Variants in CIC observed in about 807,000 individuals in gnomAD.
CIC encodes capicua transcriptional repressor, also known as protein capicua homolog.
In CIC, 18 loss-of-function variants were observed where a neutral mutation model predicts 115.7. The ratio of observed to expected loss-of-function variants is 0.16; its 90% CI spans 0.11 to 0.23. The LOEUF (loss-of-function observed/expected upper bound fraction) is 0.23. Ranked by LOEUF, CIC falls within the 10% of genes least tolerant of loss-of-function variation. CIC has a pLI of 1.00. For missense variants in CIC, 2,000 were observed against 2,159.3 expected (o/e 0.93, Z 1.46); for synonymous variants, 1,076 against 923.0 (o/e 1.17, Z -3.01).
chr19:42,292,523 G>C, intron 14 of CIC, 43 bp from the exon 15 acceptor site: 2 of 1,611,856 alleles, frequency 1.2e-6, no homozygotes, highest in Non-Finnish European at 1.7e-6. Flanking sequence ...GAGGCAGTCC[G>C]GGCCCTAACT....
At position 42,272,654 on chromosome 19, in the gene CIC, A is replaced by G. The variant is rs1599848466; in HGVS notation, c.871A>G (p.Thr291Ala). ...YREGVVVEVA[T>A]KPAAYKVRLS... ...GGAAGGTGTGGTGGTGGAGGTGGCC[A>G]CCAAGCCAGCTGCCTACAAGGTCCG... The change falls in exon 2 of 21, where the codon ACC becomes GCC. Residue 291 changes from threonine to alanine, a missense_variant. Thr to Ala is a moderately conservative substitution (Grantham distance 58). Around this residue, in one of 8 missense-constraint regions of CIC, gnomAD observed 222 missense variants for 247.7 expected, o/e 0.90. Coordinates refer to ENST00000681038, the MANE Select transcript of CIC (RefSeq NM_001386298.1). 7.5e-6 allele frequency: 3 copies of G among 398,684 alleles called. No homozygotes were observed. The highest frequency in any genetic ancestry group is 4.4e-5 in the Admixed American group (1 of 22,734). 24.7% of individuals were successfully genotyped at this position (398,684 alleles called of 1,614,324 possible). A position where few individuals can be genotyped will look rare whatever the true frequency, so the allele number is the denominator to read the frequency against.
rs587778199 is a variant in CIC, at chr19:42,290,695, G to C, written c.4654G>C (p.Gly1552Arg). 1 of 1,612,962 alleles carries C rather than the reference G, an allele frequency of 6.2e-7. No individual in the cohort carries two copies. The highest frequency in any genetic ancestry group is 8.5e-7 in the Non-Finnish European group (1 of 1,179,902). Residue 1552 changes from glycine to arginine, a missense_variant, in exon 11 of 21, where the codon GGC becomes CGC. Physicochemically the swap from Gly to Arg is moderately radical, Grantham distance 125 (BLOSUM62 -2). Around this residue, in one of 8 missense-constraint regions of CIC, gnomAD observed 1,466 missense variants for 1,390.4 expected, o/e 1.05. Coordinates refer to ENST00000681038, the MANE Select transcript of CIC (RefSeq NM_001386298.1). ...CCCAAACAAGGAGGAGCAAGAGGGC[G>C]GCGGAGCCAGAGTGCCCTCCGCCCC... ...LPPNKEEQEG[G>R]GARVPSAPAP... is the part of the protein sequence containing the mutation.
chr19:42,290,421 A>T lies in CIC; in HGVS notation c.4380A>T (p.Ser1460=), dbSNP rs775251832. 1.9e-6 allele frequency: 3 copies of T among 1,613,294 alleles called. No homozygotes were observed. The South Asian group carries it at 3.3e-5, about 18-fold the overall frequency. Residue 1460 remains serine, a synonymous_variant, in exon 11 of 21, where the codon TCA becomes TCT. Transcript: ENST00000681038. ...SSSASAATSF[S]LGSGTFKAQE... is the part of the protein sequence containing the mutation. ...CAGCCTCGGCAGCCACCTCCTTCTC[A>T]CTGGGCTCAGGAACCTTCAAGGCCC... is the stretch of plus-strand genomic sequence containing the variant.
In CIC at chr19:42,273,826, C is replaced by T; in HGVS notation, c.2043C>T (p.His681=). 1 of 398,824 alleles carries T rather than the reference C, an allele frequency of 2.5e-6. No individual in the cohort carries two copies. Among genetic ancestry groups the T allele is most frequent in the Non-Finnish European group, 4.4e-6 (1 of 226,230 alleles). 24.7% of individuals were successfully genotyped at this position (398,824 alleles called of 1,614,324 possible). A position where few individuals can be genotyped will look rare whatever the true frequency, so the allele number is the denominator to read the frequency against. The change falls in exon 2 of 21, where the codon CAC becomes CAT. Residue 681 remains histidine, a synonymous_variant. Transcript: ENST00000681038. ...TGACGCCACCAGACCTGGGCCCCCA[C>T]CCACCGCCACCTGCCCCCCGAGAGC... ...GVLTPPDLGP[H]PPPPAPRERH... is the part of the protein sequence containing the mutation.
chr19:42,294,491 C>T (rs2038374046), intron 19 of CIC, 113 bp from the exon 20 acceptor site: 19 of 1,573,588 alleles, frequency 1.2e-5, no homozygotes, highest in Non-Finnish European at 1.3e-5. Context: ...CAGGACCCCT[C>T]TCTGACTCCC....
At chr19:42,279,423 G>A (rs1408014650) in intron 2 of CIC, among the ~76,000 whole-genome samples, 1 of 152,214 alleles carries the variant, frequency 6.6e-6, no homozygotes, top group Non-Finnish European at 1.5e-5. Flanking sequence ...GTGGTTCATG[G>A]GGGCTGATAA....
intron 2 of CIC, among the ~76,000 whole-genome samples, chr19:42,278,517 C>T (rs2037082196): frequency 1.3e-5 from 2 of 152,330 alleles, no homozygotes; most frequent in South Asian, 4.1e-4. Context: ...CTGGGTTTGT[C>T]CCTCTCTGGA....
At chr19:42,274,768 G>A (rs765761651) in intron 2 of CIC, among the ~76,000 whole-genome samples, 191 bp downstream of exon 2, 3 of 152,240 alleles carry the variant, frequency 2.0e-5, no homozygotes, top group African/African-American at 4.8e-5. Context: ...TCAAGGCACC[G>A]TTTCCAGAGG....
Position 42,293,050 on chromosome 19 carries a change from C to T in CIC, c.6291C>T (p.Pro2097=), listed in dbSNP as rs144192481. The T allele has an allele frequency of 2.5e-4, 405 of 1,612,840 alleles. No individual in the cohort carries two copies. Among genetic ancestry groups the T allele is most frequent in the African/African-American group, 1.7e-3 (126 of 75,068 alleles). The change falls in exon 16 of 21, where the codon CCC becomes CCT. Residue 2097 remains proline, a synonymous_variant. Transcript: ENST00000681038. The part of the protein sequence containing the change: ...QKVKAAIASI[P]VGSFEAGASG... ...TGAAGGCAGCCATCGCCAGCATTCCCGTGGGGTCCTTTGAGGCAGGTGCCT... is the reference window on the plus strand; with the variant it reads ...TGAAGGCAGCCATCGCCAGCATTCCTGTGGGGTCCTTTGAGGCAGGTGCCT...
Position 42,291,275 on chromosome 19 carries a change from T to A in CIC, c.5234T>A (p.Leu1745His). 1 of 1,612,706 alleles carries A rather than the reference T, an allele frequency of 6.2e-7. No individual in the cohort carries two copies. The highest frequency in any genetic ancestry group is 8.5e-7 in the Non-Finnish European group (1 of 1,179,782). The change falls in exon 11 of 21, where the codon CTT (leucine) becomes CAT (histidine). Residue 1745 changes from leucine to histidine, a missense_variant. By Grantham distance (99) the Leu-to-His change is moderately conservative (BLOSUM62 -3). Around this residue, in one of 8 missense-constraint regions of CIC, gnomAD observed 1,466 missense variants for 1,390.4 expected, o/e 1.05. Coordinates refer to ENST00000681038, the MANE Select transcript of CIC (RefSeq NM_001386298.1). ...ATCCTGCCCACGCTGCCCCAGCAGCTTCAGGTGGCACCTGCCCCAGCACCA... is the reference window on the plus strand; with the variant it reads ...ATCCTGCCCACGCTGCCCCAGCAGCATCAGGTGGCACCTGCCCCAGCACCA... ...QYILPTLPQQLQVAPAPAPAP... is the reference protein window; with the variant it reads ...QYILPTLPQQHQVAPAPAPAP...
In CIC at chr19:42,270,527, A is replaced by C. The variant is rs998114815; in HGVS notation, c.-11+1146A>C. On this transcript the variant is annotated intron_variant, in intron 1 of 20. Coordinates refer to ENST00000681038, the MANE Select transcript of CIC (RefSeq NM_001386298.1). This position sits in a 1 kb window ranked among gnomAD's most constrained non-coding sequence, Gnocchi z 4.1. ...CAGGGCAGCTCGAAAGGGGGCGGGC[A>C]GTAATGACTGTTCAGGAAGTGGGTG... Among the ~76,000 whole-genome samples the C allele has an allele frequency of 3.9e-5, 6 of 152,186 alleles. No individual in the cohort carries two copies. The highest frequency in any genetic ancestry group is 1.4e-4 in the African/African-American group (6 of 41,446).
chr19:42,293,399 T>A, intron 16 of CIC, 118 bp downstream of exon 16: 1 of 1,337,272 alleles, frequency 7.5e-7, no homozygotes, highest in Non-Finnish European at 1.0e-6. Context: ...GGTTAAAGGG[T>A]CCCCTCTGTC....
chr19:42,281,206 G>T (rs1009627917), intron 2 of CIC, among the ~76,000 whole-genome samples: 2 of 152,196 alleles, frequency 1.3e-5, no homozygotes, highest in African/African-American at 4.8e-5. Flanking sequence ...GAGCTGAGGC[G>T]GGGACCCGGG....
chr19:42,295,143 G>GGGGCGGCCCCCCCCC lies in CIC; in HGVS notation c.7506_7507insGGGCGGCCCCCCCCC (p.Gln2502_Pro2503insGlyArgProProPro). The GGGGCGGCCCCCCCCC allele has an allele frequency of 7.2e-7, 1 of 1,382,738 alleles. No individual in the cohort carries two copies. Among genetic ancestry groups the GGGGCGGCCCCCCCCC allele is most frequent in the Non-Finnish European group, 9.6e-7 (1 of 1,037,826 alleles). 85.7% of individuals were successfully genotyped at this position (1,382,738 alleles called of 1,614,324 possible). ...AGCCTGGCTGGGAGGGGGCTCCCCA[G>GGGGCGGCCCCCCCCC]CCCTCCCCCCCACCCCCAGGTCCCT... On this transcript the variant is annotated inframe_insertion, in exon 21 of 21. Coordinates refer to ENST00000681038, the MANE Select transcript of CIC (RefSeq NM_001386298.1).
chr19:42,279,010 G>A (rs1188797542), intron 2 of CIC, among the ~76,000 whole-genome samples: 1 of 152,188 alleles, frequency 6.6e-6, no homozygotes, highest in Non-Finnish European at 1.5e-5. Context: ...GCATGACCCA[G>A]GTCATCCTAC....
chr19:42,278,056 G>A (rs1255941764), intron 2 of CIC, among the ~76,000 whole-genome samples: 2 of 152,264 alleles, frequency 1.3e-5, no homozygotes, highest in Admixed American at 6.5e-5. Flanking sequence ...GCAGGTGTGA[G>A]GGGGCGGCCC....
At chr19:42,292,886 A>T (rs1336708000) in intron 15 of CIC, 27 bp downstream of exon 15, 3 of 1,613,646 alleles carry the variant, frequency 1.9e-6, no homozygotes, top group Non-Finnish European at 2.5e-6. Flanking sequence ...CCCAGAGCAG[A>T]GTGAGTTGGG....
intron 2 of CIC, among the ~76,000 whole-genome samples, chr19:42,285,682 C>G (rs2037587040): frequency 6.6e-6 from 1 of 152,174 alleles, no homozygotes; most frequent in African/African-American, 2.4e-5. Flanking sequence ...CTCCCTTCTT[C>G]ATCTTCCCCG....
rs767118858 is a variant in CIC, at chr19:42,291,597, GCTCAGC to G, written c.5467_5472del (p.Ser1823_Ala1824del). The G allele has an allele frequency of 6.2e-7, 1 of 1,612,982 alleles. No individual in the cohort carries two copies. The highest frequency in any genetic ancestry group is 8.5e-7 in the Non-Finnish European group (1 of 1,179,986). ...CCCGTGCAGGCCCCGCCCCCGGGTG[GCTCAGC>G]CCAGCTGCTGCCTGGGAAGGTCCTA... On this transcript the variant is annotated inframe_deletion, in exon 12 of 21. Transcript: ENST00000681038.
Sources: allele counts gnomAD v4.1 joint callset (sites outside exome capture counted in the v4.1 genomes callset), GRCh38; gene constraint gnomAD v4.1.1; regional missense constraint gnomAD v4.1.1; non-coding constraint Gnocchi (gnomAD v3.1); transcripts MANE v1.5; gene names NCBI Gene and HGNC (gene_info 2026-07-23, HGNC 2026-07-21).